The following PTPRG variants were observed in gnomAD, a reference collection of about 807,000 sequenced individuals.
The protein encoded by PTPRG is protein tyrosine phosphatase receptor type G, also known as receptor-type tyrosine-protein phosphatase gamma.
A neutral mutation model predicts 165.3 loss-of-function variants in PTPRG; 102 were observed. The observed-to-expected ratio is 0.62, with a 90% CI of 0.53 to 0.73. PTPRG has a LOEUF of 0.73. Among genes scored for constraint, PTPRG ranks in the 30% least tolerant of loss-of-function variants. The pLI is 0.00. For synonymous variants in PTPRG, 675 were observed against 669.5 expected (o/e 1.01, Z -0.13); for missense variants, 1,866 against 1,861.4 (o/e 1.00, Z -0.05).
intron 2 of PTPRG, among the ~76,000 whole-genome samples, chr3:61,853,289 TAAAC>T (rs1479317947): frequency 6.6e-6 from 1 of 152,202 alleles, no homozygotes. Flanking sequence ...TTAGTCTTGT[TAAAC>T]AAAGAGAGCT....
chr3:62,064,785 T>C (rs1575956458), intron 4 of PTPRG, among the ~76,000 whole-genome samples: 1 of 138,332 alleles, frequency 7.2e-6, no homozygotes, highest in Middle Eastern at 4.5e-3. Context: ...CAGCCTGGAG[T>C]ATAATGGTGC....
chr3:62,185,736 G>T lies in PTPRG; in HGVS notation c.1034-5733G>T, dbSNP rs138308599. ...TATACCATTTTTTTAACACTGTGTG[G>T]GCCATAGAGTGTGTCCACGTACTTG... On this transcript the variant is annotated intron_variant, in intron 8 of 29. Transcript: ENST00000474889. Among the ~76,000 whole-genome samples, 34 of 152,230 alleles carry T rather than the reference G, an allele frequency of 2.2e-4. 1 individual carries two copies. The East Asian group carries it at 6.4e-3, about 29-fold the overall frequency.
chr3:62,117,772 ATTTCAT>A (rs1316555155), intron 5 of PTPRG, among the ~76,000 whole-genome samples: 2 of 152,192 alleles, frequency 1.3e-5, no homozygotes, highest in Non-Finnish European at 2.9e-5. Flanking sequence ...TGGCAGAAAA[ATTTCAT>A]TTTCTTTTGT....
rs1703002967 is a variant in PTPRG, at chr3:62,294,603, C to G, written c.*1296C>G. On this transcript the variant is annotated 3_prime_UTR_variant, in exon 30 of 30. Transcript: ENST00000474889. ...AGCTCAAGGAAGTTATTAGGTGCAG[C>G]CTCTGGAGCCATACTCACGCTGCAG... The G allele has an allele frequency of 6.6e-6, 1 of 152,014 alleles. No homozygotes were observed. The highest frequency in any genetic ancestry group is 1.5e-5 in the Non-Finnish European group (1 of 67,988). 9.4% of individuals were successfully genotyped at this position (152,014 alleles called of 1,614,324 possible). A position where few individuals can be genotyped will look rare whatever the true frequency, so the allele number is the denominator to read the frequency against.
At chr3:61,855,651 CTTTTTTTTTTT>C (rs35525843) in intron 2 of PTPRG, among the ~76,000 whole-genome samples, 1 of 120,322 alleles carries the variant, frequency 8.3e-6, no homozygotes, top group South Asian at 2.8e-4. Flanking sequence ...AAGGGTAGGC[CTTTTTTTTTTT>C]TTTTTTTTTA....
intron 2 of PTPRG, among the ~76,000 whole-genome samples, chr3:61,845,396 C>G (rs1035317949): frequency 2.0e-5 from 3 of 152,222 alleles, no homozygotes; most frequent in Non-Finnish European, 4.4e-5. Context: ...TTGAGGCAAA[C>G]AGCAGAGACT....
At chr3:61,951,428 T>C (rs1421441178) in intron 2 of PTPRG, among the ~76,000 whole-genome samples, 21 of 152,248 alleles carry the variant, frequency 1.4e-4, no homozygotes. Context: ...TGGTGCCCTT[T>C]GTAGAAAGAT....
chr3:61,826,890 T>G (rs1035126096), intron 2 of PTPRG, among the ~76,000 whole-genome samples: 2 of 151,904 alleles, frequency 1.3e-5, no homozygotes, highest in Non-Finnish European at 2.9e-5. Context: ...CTGAAATCAT[T>G]TGGTGATTGA....
At chr3:61,923,595 C>T (rs1371155804) in intron 2 of PTPRG, among the ~76,000 whole-genome samples, 1 of 143,772 alleles carries the variant, frequency 7.0e-6, no homozygotes, top group Non-Finnish European at 1.5e-5. Context: ...TGTGATGTTC[C>T]CCTTCCTGTC....
At chr3:61,572,381 T>A (rs1447932235) in intron 1 of PTPRG, among the ~76,000 whole-genome samples, 1 of 152,110 alleles carries the variant, frequency 6.6e-6, no homozygotes, top group Non-Finnish European at 1.5e-5. Flanking sequence ...ATTGGAGTGG[T>A]GGGGGCAGAC....
intron 2 of PTPRG, among the ~76,000 whole-genome samples, chr3:61,793,581 A>G (rs2034956356): frequency 6.6e-6 from 1 of 152,166 alleles, no homozygotes; most frequent in South Asian, 2.1e-4. Context: ...TTTGACTTAC[A>G]TTTATGTTCT....
chr3:61,936,646 A>G (rs1162196980), intron 2 of PTPRG, among the ~76,000 whole-genome samples: 6 of 151,996 alleles, frequency 3.9e-5, no homozygotes, highest in Admixed American at 3.9e-4. Context: ...TGTAGCTCCA[A>G]TTTTTTCCTT....
At chr3:62,250,735 T>C (rs1444251676) in intron 15 of PTPRG, among the ~76,000 whole-genome samples, 1 of 152,190 alleles carries the variant, frequency 6.6e-6, no homozygotes, top group Admixed American at 6.5e-5. Context: ...AGGTCAGCGT[T>C]ATCTCAGCTT....
chr3:61,687,916 A>T (rs116491390), intron 1 of PTPRG, among the ~76,000 whole-genome samples: 1 of 152,208 alleles, frequency 6.6e-6, no homozygotes, highest in Non-Finnish European at 1.5e-5. Context: ...ATCACATGCC[A>T]TTATGTTCAT....
intron 12 of PTPRG, 127 bp downstream of exon 12, chr3:62,204,077 T>C (rs1559646954): frequency 7.1e-7 from 1 of 1,408,564 alleles, no homozygotes; most frequent in Non-Finnish European, 9.3e-7. Flanking sequence ...TATATGTCTG[T>C]CATAGAAAAG....
chr3:62,212,982 G>C (rs919987801), intron 12 of PTPRG, among the ~76,000 whole-genome samples: 1 of 152,176 alleles, frequency 6.6e-6, no homozygotes, highest in African/African-American at 2.4e-5. Context: ...CAGAGATGGA[G>C]GTGAGGAGGA....
intron 2 of PTPRG, among the ~76,000 whole-genome samples, chr3:61,985,847 A>G (rs987621730): frequency 4.6e-5 from 7 of 152,224 alleles, no homozygotes; most frequent in Admixed American, 1.3e-4. Flanking sequence ...TTAAAAAGCC[A>G]TAGTCACCTT....
At chr3:61,697,714 C>G (rs969667741) in intron 1 of PTPRG, among the ~76,000 whole-genome samples, 1 of 152,148 alleles carries the variant, frequency 6.6e-6, no homozygotes, top group Non-Finnish European at 1.5e-5. Flanking sequence ...TTCATTCCCC[C>G]CTAAAAATCA....
chr3:61,780,661 A>G (rs916140738), intron 2 of PTPRG, among the ~76,000 whole-genome samples: 10 of 152,144 alleles, frequency 6.6e-5, no homozygotes, highest in African/African-American at 2.2e-4. Context: ...GTCAGTCCCT[A>G]CTGATGAGTG....
Sources: gnomAD v4.1 joint callset for allele counts (sites outside exome capture counted in the v4.1 genomes callset) on GRCh38, gnomAD v4.1.1 for gene constraint, MANE v1.5 for transcripts, NCBI Gene and HGNC (gene_info 2026-07-23, HGNC 2026-07-21) for gene names.